Variants in CALN1 observed in about 807,000 individuals in gnomAD.
CALN1 encodes the protein calcium-binding protein 8.
In CALN1, 17 loss-of-function variants were observed where a neutral mutation model predicts 30.6. The observed-to-expected ratio is 0.56, with a 90% CI of 0.38 to 0.83. The LOEUF (loss-of-function observed/expected upper bound fraction) is 0.83. Ranked by LOEUF, CALN1 falls within the 40% of genes least tolerant of loss-of-function variation. CALN1 has a pLI of 0.00. For synonymous variants in CALN1, 156 were observed against 131.4 expected (o/e 1.19, Z -1.28); for missense variants, 291 against 354.9 (o/e 0.82, Z 1.45).
chr7:72,407,529 CCT>C (rs1413811966), intron 1 of CALN1, among the ~76,000 whole-genome samples: 3 of 152,186 alleles, frequency 2.0e-5, no homozygotes, highest in Non-Finnish European at 2.9e-5. Context: ...CTGCTTCCCT[CCT>C]CTCTTCTCCT....
chr7:72,047,998 A>G (rs1259468833), intron 4 of CALN1, among the ~76,000 whole-genome samples: 1 of 151,500 alleles, frequency 6.6e-6, no homozygotes, highest in Non-Finnish European at 1.5e-5. Flanking sequence ...GTGGGCACAG[A>G]TTTCAGAGGC....
the CALN1 span, among the ~76,000 whole-genome samples, chr7:72,484,290 A>G: frequency 7.9e-5 from 12 of 152,180 alleles, no homozygotes; most frequent in African/African-American, 2.4e-4. Flanking sequence ...CTGGGACACA[A>G]CTATTTAGAA....
chr7:72,040,809 A>C (rs1195312713), intron 4 of CALN1, among the ~76,000 whole-genome samples: 1 of 152,144 alleles, frequency 6.6e-6, no homozygotes, highest in Non-Finnish European at 1.5e-5. Flanking sequence ...GGTCATGTGC[A>C]AGACAGGAAG....
intron 2 of CALN1, among the ~76,000 whole-genome samples, chr7:72,326,378 ATC>A (rs1326793172): frequency 3.3e-5 from 5 of 152,222 alleles, no homozygotes; most frequent in Non-Finnish European, 7.3e-5. Context: ...ACCTGGCTAC[ATC>A]TCTGTTTCTT....
chr7:71,853,927 T>A (rs1790792464), intron 5 of CALN1, among the ~76,000 whole-genome samples: 1 of 152,146 alleles, frequency 6.6e-6, no homozygotes, highest in South Asian at 2.1e-4. Flanking sequence ...TTTTAATGGT[T>A]CGTGATTTTC....
chr7:72,302,547 G>T (rs548841658), intron 2 of CALN1, among the ~76,000 whole-genome samples: 7 of 152,056 alleles, frequency 4.6e-5, no homozygotes, highest in Non-Finnish European at 7.4e-5. Flanking sequence ...AGTACTTTCG[G>T]AGGTGCAGGC....
intron 2 of CALN1, among the ~76,000 whole-genome samples, chr7:72,394,389 G>T (rs1389761593): frequency 2.0e-5 from 3 of 152,150 alleles, no homozygotes; most frequent in African/African-American, 7.2e-5. Context: ...AGCTATGCTT[G>T]CACAAGTTTG....
At chr7:72,384,643 CAAGAAAAAAAAAA>C (rs1805099299) in intron 2 of CALN1, among the ~76,000 whole-genome samples, 1 of 148,202 alleles carries the variant, frequency 6.7e-6, no homozygotes, top group Non-Finnish European at 1.5e-5. Context: ...GACCCCGTCT[CAAGAAAAAAAAAA>C]GTAAAAGCAA....
chr7:72,262,921 G>C (rs1452933068), intron 3 of CALN1, among the ~76,000 whole-genome samples: 1 of 152,334 alleles, frequency 6.6e-6, no homozygotes, highest in East Asian at 1.9e-4. Flanking sequence ...TGCGCTTAGA[G>C]CTAAGACACA....
At chr7:71,829,128 CCT>C (rs1207678885) in intron 5 of CALN1, among the ~76,000 whole-genome samples, 3 of 152,094 alleles carry the variant, frequency 2.0e-5, no homozygotes, top group Non-Finnish European at 2.9e-5. Flanking sequence ...GTCAGGACTC[CCT>C]GAGGCTGTGT....
intron 4 of CALN1, among the ~76,000 whole-genome samples, chr7:72,042,035 G>C (rs59329653): frequency 0.085 from 12,999 of 152,164 alleles, 744 homozygotes; most frequent in African/African-American, 0.15. Context: ...ATACAGAGTA[G>C]CAAGGTGGCA....
intron 2 of CALN1, among the ~76,000 whole-genome samples, chr7:72,288,690 C>G (rs900065781): frequency 6.6e-6 from 1 of 152,124 alleles, no homozygotes; most frequent in African/African-American, 2.4e-5. Context: ...GCTTAAGCAT[C>G]TTTTTATATG....
At chr7:71,969,025 G>A (rs1038932617) in intron 5 of CALN1, among the ~76,000 whole-genome samples, 6 of 151,290 alleles carry the variant, frequency 4.0e-5, no homozygotes, top group Non-Finnish European at 7.4e-5. Context: ...TTCCAGTCTC[G>A]GTGACAGAGT....
rs1792910737 is a variant in CALN1, at chr7:71,785,007, G to A, written c.*2768C>T. On this transcript the variant is annotated 3_prime_UTR_variant, in exon 7 of 7. Transcript: ENST00000395275. The stretch of plus-strand genomic sequence containing the variant: ...AAACTGTCCAAGCAAAGCAGCCAGG[G>A]TGCAAGTCACCGGGACAAACTCTGA... 5.0e-6 allele frequency: 2 copies of A among 396,540 alleles called. No homozygotes were observed. The highest frequency in any genetic ancestry group is 3.6e-5 in the East Asian group (1 of 28,016). 24.6% of individuals were successfully genotyped at this position (396,540 alleles called of 1,614,324 possible).
chr7:71,869,974 G>A (rs1326499247), intron 5 of CALN1, among the ~76,000 whole-genome samples: 1 of 152,162 alleles, frequency 6.6e-6, no homozygotes, highest in African/African-American at 2.4e-5. Context: ...ACCCAGGTGG[G>A]CACTGATTAG....
intron 4 of CALN1, among the ~76,000 whole-genome samples, chr7:72,054,582 G>T (rs1398727016): frequency 6.8e-6 from 1 of 147,458 alleles, no homozygotes; most frequent in Non-Finnish European, 1.5e-5. Context: ...ATGCAGCCAT[G>T]AAAAAGAATG....
At chr7:71,971,975 AAGAAAGAAAGAAAGAAAGAG>A (rs1797852768) in intron 5 of CALN1, among the ~76,000 whole-genome samples, 1 of 143,760 alleles carries the variant, frequency 7.0e-6, no homozygotes, top group Non-Finnish European at 1.5e-5. Context: ...GAAAGAAAGA[AAGAAAGAAAGAAAGAAAGAG>A]AAAGAAAGAA....
At chr7:72,416,602 G>A (rs1180623307), upstream of CALN1, among the ~76,000 whole-genome samples, 1 of 152,014 alleles carries the variant, frequency 6.6e-6, no homozygotes, top group South Asian at 2.1e-4. Context: ...GAGCATGGTG[G>A]TGTGTGCCTG....
chr7:72,076,646 A>AAAAAAAAAAAG (rs1563035689), intron 4 of CALN1, among the ~76,000 whole-genome samples: 2 of 124,532 alleles, frequency 1.6e-5, no homozygotes, highest in African/African-American at 6.4e-5. Context: ...AAAAAAAAAA[A>AAAAAAAAAAAG]AGCAAAGACA....
Sources: allele counts gnomAD v4.1 joint callset (sites outside exome capture counted in the v4.1 genomes callset), GRCh38; gene constraint gnomAD v4.1.1; transcripts MANE v1.5; gene names NCBI Gene and HGNC (gene_info 2026-07-23, HGNC 2026-07-21).